MYO1H: variants seen among roughly 807,000 people sequenced by gnomAD.
MYO1H encodes the protein myosin IH.
In MYO1H, 118 loss-of-function variants were observed where a neutral mutation model predicts 149.3. That is an observed-to-expected ratio of 0.79 (90% CI 0.68 to 0.92). The LOEUF (loss-of-function observed/expected upper bound fraction) is 0.92, where lower values mean the gene tolerates loss of function less well. Ranked by LOEUF, MYO1H falls within the 40% of genes least tolerant of loss-of-function variation. The probability of loss-of-function intolerance (pLI) is 0.00; values close to 1 mark genes in which losing one functional copy is unlikely to be tolerated. For missense variants in MYO1H, 1,212 were observed against 1,280.7 expected (o/e 0.95, Z 0.82); for synonymous variants, 447 against 465.2 (o/e 0.96, Z 0.50).
Position 109,429,517 on chromosome 12 carries a change from A to C in MYO1H, c.1949+1931A>C, listed in dbSNP as rs113803239. On this transcript the variant is annotated intron_variant, in intron 19 of 31. Coordinates refer to ENST00000310903, the Ensembl canonical transcript of MYO1H. ...GTAGTATTTACATAGTATTAGGTAT[A>C]ATAAGTAATTTAGAGATGATTTAAA... Among the ~76,000 whole-genome samples the C allele has an allele frequency of 6.9e-4, 105 of 152,336 alleles. 1 individual carries two copies. Among genetic ancestry groups the C allele is most frequent in the African/African-American group, 2.4e-3 (99 of 41,576 alleles).
intron 27 of MYO1H, among the ~76,000 whole-genome samples, chr12:109,443,009 A>AATATAT (rs1335069078): frequency 1.7e-5 from 1 of 58,496 alleles, no homozygotes; most frequent in Non-Finnish European, 3.1e-5. Flanking sequence ...AAAAAAAAAA[A>AATATAT]ATATATATAT....
Position 109,410,722 on chromosome 12 carries a change from T to C in MYO1H, c.1364T>C (p.Ile455Thr), listed in dbSNP as rs374916181. The change falls in exon 13 of 32, where the codon ATC becomes ACC. Residue 455 changes from isoleucine (I) to threonine (T), a missense_variant. By Grantham distance (89) the Ile-to-Thr change is moderately conservative (BLOSUM62 -1). Coordinates refer to ENST00000310903, the Ensembl canonical transcript of MYO1H. ...ATTAAATATTTCAACAACAAGATCA[T>C]CTGTGATTTGGTAGAAGAGAGACAT... 6.3e-5 allele frequency: 101 copies of C among 1,602,782 alleles called. No homozygotes were observed. Among genetic ancestry groups the C allele is most frequent in the Non-Finnish European group, 8.1e-5 (95 of 1,172,112 alleles).
chr12:109,415,301 T>TC (rs1870854708), intron 14 of MYO1H, among the ~76,000 whole-genome samples: 1 of 151,790 alleles, frequency 6.6e-6, no homozygotes. Flanking sequence ...ATGGTGAAAC[T>TC]CCATCTCTAC....
chr12:109,392,955 A>G (rs1011723510), intron 2 of MYO1H, among the ~76,000 whole-genome samples: 9 of 151,846 alleles, frequency 5.9e-5, no homozygotes, highest in African/African-American at 2.2e-4. Context: ...GACTACAGGC[A>G]TGCACCATCA....
intron 2 of MYO1H, among the ~76,000 whole-genome samples, chr12:109,393,048 T>A (rs2137038064): frequency 6.6e-6 from 1 of 152,080 alleles, no homozygotes; most frequent in Non-Finnish European, 1.5e-5. Context: ...TGACCTGTGA[T>A]CCACCCGCCT....
intron 15 of MYO1H, among the ~76,000 whole-genome samples, chr12:109,417,607 G>A (rs12581635): frequency 0.33 from 50,020 of 152,012 alleles, 8,398 homozygotes; most frequent in Admixed American, 0.4. Flanking sequence ...GATTACAGGC[G>A]TGAGCCACCA....
At chr12:109,391,502 T>A (rs886491972) in intron 2 of MYO1H, among the ~76,000 whole-genome samples, 4 of 152,204 alleles carry the variant, frequency 2.6e-5, no homozygotes, top group African/African-American at 9.6e-5. Flanking sequence ...TTGGGTTGAT[T>A]CCATGTCTTT....
chr12:109,389,387 G>T (rs1304896918), intron 2 of MYO1H, among the ~76,000 whole-genome samples: 2 of 152,122 alleles, frequency 1.3e-5, no homozygotes, highest in African/African-American at 4.8e-5. Context: ...GATTGGCCAG[G>T]CTCTTACCAG....
chr12:109,355,475 A>T (rs188649634), intron 1 of MYO1H, among the ~76,000 whole-genome samples: 1 of 152,248 alleles, frequency 6.6e-6, no homozygotes, highest in African/African-American at 2.4e-5. Flanking sequence ...ATGGACCACA[A>T]TTTAAGGGCT....
intron 1 of MYO1H, among the ~76,000 whole-genome samples, chr12:109,384,344 C>G (rs1198356990): frequency 6.6e-6 from 1 of 152,168 alleles, no homozygotes; most frequent in Non-Finnish European, 1.5e-5. Flanking sequence ...TTAGATGTAA[C>G]TTAATTTGAT....
chr12:109,419,307 G>A (rs1357381658), intron 15 of MYO1H, among the ~76,000 whole-genome samples: 2 of 152,088 alleles, frequency 1.3e-5, no homozygotes. Context: ...GGCAGATGTG[G>A]TGGGGCGGGG....
the MYO1H span, among the ~76,000 whole-genome samples, chr12:109,339,554 G>T: frequency 6.6e-6 from 1 of 152,148 alleles, no homozygotes; most frequent in African/African-American, 2.4e-5. Context: ...CCTAAATAAT[G>T]TTGAAGGGCA....
At chr12:109,409,134 G>T (rs1041205626) in intron 10 of MYO1H, among the ~76,000 whole-genome samples, 2 of 151,556 alleles carry the variant, frequency 1.3e-5, no homozygotes, top group African/African-American at 4.9e-5. Flanking sequence ...TGGCCTGAGG[G>T]TACTTGGTCC....
chr12:109,397,379 C>T (rs1307300376), intron 4 of MYO1H, among the ~76,000 whole-genome samples: 1 of 152,074 alleles, frequency 6.6e-6, no homozygotes, highest in Non-Finnish European at 1.5e-5. Flanking sequence ...ACCCTTTGAG[C>T]AGAGCAACGG....
At chr12:109,344,070 T>G (rs1467255707), upstream of MYO1H, among the ~76,000 whole-genome samples, 1 of 152,114 alleles carries the variant, frequency 6.6e-6, no homozygotes, top group Non-Finnish European at 1.5e-5. Flanking sequence ...AAGCAGGCAT[T>G]TTGTAGGTTG....
chr12:109,410,632 A>G (rs1870622765), intron 12 of MYO1H, 56 bp from the exon 13 acceptor site: 1 of 1,270,918 alleles, frequency 7.9e-7, no homozygotes, highest in South Asian at 1.3e-5. Context: ...TTTAAAACCA[A>G]CTTTGATGCT....
intron 1 of MYO1H, among the ~76,000 whole-genome samples, chr12:109,360,818 G>A (rs187635918): frequency 1.4e-4 from 22 of 152,298 alleles, no homozygotes; most frequent in Admixed American, 5.2e-4. Context: ...TGGTTTTTAC[G>A]TTTTAGACAT....
intron 1 of MYO1H, among the ~76,000 whole-genome samples, chr12:109,373,236 C>T (rs1869023898): frequency 6.6e-6 from 1 of 151,962 alleles, no homozygotes; most frequent in East Asian, 1.9e-4. Context: ...GCCAGTACTT[C>T]GAATTAGGAC....
At chr12:109,354,618 T>TTAAAAA (rs558745249) in intron 1 of MYO1H, among the ~76,000 whole-genome samples, 7 of 119,408 alleles carry the variant, frequency 5.9e-5, no homozygotes, top group Non-Finnish European at 8.7e-5. Context: ...AGACTCTGTC[T>TTAAAAA]AAAAAAAAAA....
Sources: gnomAD v4.1 joint callset for allele counts (sites outside exome capture counted in the v4.1 genomes callset) on GRCh38, gnomAD v4.1.1 for gene constraint, MANE v1.5 for transcripts, NCBI Gene and HGNC (gene_info 2026-07-23, HGNC 2026-07-21) for gene names.